FGFR2: variants seen among roughly 807,000 people sequenced by gnomAD.
FGFR2 encodes BEK fibroblast growth factor receptor.
FGFR2 carries 19 observed loss-of-function variants against 95.9 expected under a neutral mutation model. That is an observed-to-expected ratio of 0.20 (90% confidence interval 0.14 to 0.29). The LOEUF (loss-of-function observed/expected upper bound fraction) is 0.29, where lower values mean the gene tolerates loss of function less well. FGFR2 is among the 10% of genes least tolerant of loss of function. The probability of loss-of-function intolerance (pLI) is 1.00; values close to 1 mark genes in which losing one functional copy is unlikely to be tolerated. For synonymous variants in FGFR2, 392 were observed against 393.3 expected (o/e 1.00, Z 0.04); for missense variants, 707 against 1,056.9 (o/e 0.67, Z 4.59).
rs375642224 is a variant in FGFR2, at chr10:121,485,128, A to G, written c.2195+267T>C. ...GGAAGACCACTCCTGCTGGCTCTGCAAAGTCAGGAGCCCTCAGCCAGGCAG... is the reference window on the plus strand; with the variant it reads ...GGAAGACCACTCCTGCTGGCTCTGCGAAGTCAGGAGCCCTCAGCCAGGCAG... On this transcript the variant is annotated intron_variant, in intron 16 of 17. Coordinates refer to ENST00000358487, the MANE Select transcript of FGFR2 (RefSeq NM_000141.5). This position sits in a 1 kb window ranked among gnomAD's most constrained non-coding sequence, Gnocchi z 4.2. Among the ~76,000 whole-genome samples the G allele has an allele frequency of 3.5e-4, 53 of 152,240 alleles. 1 individual carries two copies. The highest frequency in any genetic ancestry group is 1.2e-3 in the African/African-American group (48 of 41,544).
At chr10:121,522,329 G>C (rs1850678291) in intron 6 of FGFR2, among the ~76,000 whole-genome samples, 1 of 152,232 alleles carries the variant, frequency 6.6e-6, no homozygotes, top group Non-Finnish European at 1.5e-5. Context: ...GGCTGACGCA[G>C]GAGGATTGCT....
At chr10:121,498,807 C>T (rs571888824) in intron 11 of FGFR2, among the ~76,000 whole-genome samples, 3 of 152,204 alleles carry the variant, frequency 2.0e-5, no homozygotes, top group Non-Finnish European at 4.4e-5. Flanking sequence ...TCAAAGAGCT[C>T]ACTGGGGGGC....
chr10:121,560,112 T>C (rs1405623064), intron 4 of FGFR2, among the ~76,000 whole-genome samples: 1 of 152,154 alleles, frequency 6.6e-6, no homozygotes, highest in South Asian at 2.1e-4. Flanking sequence ...GACCCTAGGA[T>C]GCTCTCAGGC....
chr10:121,517,428 C>T lies in FGFR2; in HGVS notation c.975G>A (p.Glu325=), dbSNP rs2134259072. The change falls in exon 8 of 18, where the codon GAG becomes GAA. Residue 325 remains glutamate (E), a synonymous_variant. Coordinates refer to ENST00000358487, the MANE Select transcript of FGFR2 (RefSeq NM_000141.5). The surrounding 1 kb of genome is among the most constrained non-coding windows in gnomAD (Gnocchi z 4.7). ...AAGTTACATTCCGAATATAGAGAAC[C>T]TCAATCTCTTTGTCCGTGGTGTTAA... The part of the protein sequence containing the change: ...AGVNTTDKEI[E]VLYIRNVTFE... 1 of 1,614,184 alleles carries T rather than the reference C, an allele frequency of 6.2e-7. No individual in the cohort carries two copies. The highest frequency in any genetic ancestry group is 8.5e-7 in the Non-Finnish European group (1 of 1,180,042).
At chr10:121,552,094 G>A (rs974368937) in intron 4 of FGFR2, among the ~76,000 whole-genome samples, 2 of 151,764 alleles carry the variant, frequency 1.3e-5, no homozygotes, top group African/African-American at 4.8e-5. Flanking sequence ...TTCCAATGGT[G>A]GTTATGAATG....
chr10:121,567,434 T>C (rs1311303629), intron 2 of FGFR2, among the ~76,000 whole-genome samples: 1 of 152,190 alleles, frequency 6.6e-6, no homozygotes, highest in Non-Finnish European at 1.5e-5. Context: ...GCAGGTTATG[T>C]TTCTAACATT....
At position 121,478,464 on chromosome 10, in the gene FGFR2, G is replaced by C. The variant is rs1290995722; in HGVS notation, c.*1393C>G. 12 of 233,412 alleles carry C rather than the reference G, an allele frequency of 5.1e-5. No individual in the cohort carries two copies. Among genetic ancestry groups the C allele is most frequent in the Non-Finnish European group, 9.3e-5 (11 of 117,962 alleles). 14.5% of individuals were successfully genotyped at this position (233,412 alleles called of 1,614,324 possible). ...TCCAATTTTGTAACACATAAGATCA[G>C]TGTAATCTGCATTCATCTTGCACGG... On this transcript the variant is annotated 3_prime_UTR_variant, in exon 18 of 18. Coordinates refer to ENST00000358487, the MANE Select transcript of FGFR2 (RefSeq NM_000141.5).
At chr10:121,511,506 C>G (rs1849053490) in intron 9 of FGFR2, among the ~76,000 whole-genome samples, 1 of 152,076 alleles carries the variant, frequency 6.6e-6, no homozygotes. Context: ...CCCTTTAACT[C>G]ACAAAGGCTG....
intron 2 of FGFR2, among the ~76,000 whole-genome samples, chr10:121,577,176 T>TAGAGAGAGAG (rs1278087472): frequency 9.1e-3 from 68 of 7,484 alleles, no homozygotes; most frequent in East Asian, 0.02. Context: ...TATATATATA[T>TAGAGAGAGAG]ATAGAGAGAG....
intron 5 of FGFR2, among the ~76,000 whole-genome samples, chr10:121,543,526 C>A (rs1041327108): frequency 4.6e-5 from 7 of 151,928 alleles, no homozygotes; most frequent in South Asian, 2.1e-4. Flanking sequence ...AAACAAAAAA[C>A]AAAAAATGCA....
intron 2 of FGFR2, among the ~76,000 whole-genome samples, chr10:121,587,441 CA>C (rs1453448264): frequency 6.6e-6 from 1 of 152,058 alleles, no homozygotes; most frequent in African/African-American, 2.4e-5. Context: ...TTCTGCACAG[CA>C]AAAGAAACTA....
Position 121,565,700 on chromosome 10 carries a change from T to C in FGFR2, c.114A>G (p.Pro38=), listed in dbSNP as rs370046872. ...VEDTTLEPEE[P]PTKYQISQPE... ...GTTGAGAGATTTGGTATTTGGTTGG[T>C]GGCTCTGCAGAAAGGTGGGAGAGAG... The change falls in exon 3 of 18, where the codon CCA becomes CCG. Residue 38 remains proline, a synonymous_variant. Transcript: ENST00000358487. 6.2e-7 allele frequency: 1 copy of C among 1,614,132 alleles called. No individual in the cohort carries two copies. Among genetic ancestry groups the C allele is most frequent in the Non-Finnish European group, 8.5e-7 (1 of 1,180,034 alleles).
At chr10:121,579,738 GC>G (rs1860529210) in intron 2 of FGFR2, among the ~76,000 whole-genome samples, 1 of 152,196 alleles carries the variant, frequency 6.6e-6, no homozygotes, top group African/African-American at 2.4e-5. Flanking sequence ...CCCACAGCAT[GC>G]CGAGAATAAC....
chr10:121,582,205 C>T lies in FGFR2; in HGVS notation c.109+11504G>A, dbSNP rs566586642. On this transcript the variant is annotated intron_variant, in intron 2 of 17. Transcript: ENST00000358487. ...TCGGCCCCTCAAAGTGCTGGGATTACAGGCGTGAGCCACTGCACCCAGTCC... is the reference window on the plus strand; with the variant it reads ...TCGGCCCCTCAAAGTGCTGGGATTATAGGCGTGAGCCACTGCACCCAGTCC... Among the ~76,000 whole-genome samples, 4 of 152,208 alleles carry T rather than the reference C, an allele frequency of 2.6e-5. No individual in the cohort carries two copies. The South Asian group carries it at 8.3e-4, about 32-fold the overall frequency.
chr10:121,583,066 G>A lies in FGFR2; in HGVS notation c.109+10643C>T, dbSNP rs539760552. Among the ~76,000 whole-genome samples the A allele has an allele frequency of 1.1e-4, 16 of 152,270 alleles. No homozygotes were observed. The East Asian group carries it at 2.9e-3, about 28-fold the overall frequency. On this transcript the variant is annotated intron_variant, in intron 2 of 17. Coordinates refer to ENST00000358487, the MANE Select transcript of FGFR2 (RefSeq NM_000141.5). ...AAGGACACCCTTTCTGGCCAAGACT[G>A]GAAGAAGAGTAGGTGTTTCTGCTTT...
intron 9 of FGFR2, among the ~76,000 whole-genome samples, chr10:121,513,096 ACTC>A (rs1379470997): frequency 2.6e-5 from 4 of 151,958 alleles, no homozygotes; most frequent in African/African-American, 4.8e-5. Flanking sequence ...ATGGTCTCGA[ACTC>A]CTGACCTCGG....
Position 121,593,923 on chromosome 10 carries a change from G to T in FGFR2, c.-106C>A. On this transcript the variant is annotated 5_prime_UTR_variant, in exon 2 of 18. Transcript: ENST00000358487. ...GGACTACGCGCAATGCCTTCAGCCTGCGGTGGGCTCAGGAACCGAGGCGCT... is the reference window on the plus strand; with the variant it reads ...GGACTACGCGCAATGCCTTCAGCCTTCGGTGGGCTCAGGAACCGAGGCGCT... 9.4e-7 allele frequency: 1 copy of T among 1,065,036 alleles called. No homozygotes were observed. The highest frequency in any genetic ancestry group is 1.4e-6 in the Non-Finnish European group (1 of 690,178). 66.0% of individuals were successfully genotyped at this position (1,065,036 alleles called of 1,614,324 possible).
chr10:121,574,637 C>G (rs1404426327), intron 2 of FGFR2, among the ~76,000 whole-genome samples: 1 of 152,124 alleles, frequency 6.6e-6, no homozygotes, highest in African/African-American at 2.4e-5. Flanking sequence ...GGGCTGTGTA[C>G]ACAGCAACGA....
intron 10 of FGFR2, 112 bp downstream of exon 10, chr10:121,503,678 A>G: frequency 3.4e-6 from 4 of 1,179,646 alleles, no homozygotes; most frequent in Non-Finnish European, 5.0e-6. Context: ...TCCTGCTGAC[A>G]TCATCACACC....
Sources: allele counts gnomAD v4.1 joint callset (sites outside exome capture counted in the v4.1 genomes callset), GRCh38; gene constraint gnomAD v4.1.1; non-coding constraint Gnocchi (gnomAD v3.1); transcripts MANE v1.5; gene names NCBI Gene and HGNC (gene_info 2026-07-23, HGNC 2026-07-21).